Variants in CSF2RB observed in about 807,000 individuals in gnomAD.
CSF2RB encodes cytokine receptor common subunit beta.
In CSF2RB, 22 loss-of-function variants were observed where a neutral mutation model predicts 67.2. The observed-to-expected ratio is 0.33, with a 90% CI of 0.23 to 0.47. The LOEUF (loss-of-function observed/expected upper bound fraction) is 0.47. Among genes scored for constraint, CSF2RB ranks in the 20% least tolerant of loss-of-function variants. CSF2RB has a pLI of 1.00. For missense variants in CSF2RB, 1,113 were observed against 1,174.5 expected (o/e 0.95, Z 0.76); for synonymous variants, 507 against 482.9 (o/e 1.05, Z -0.65).
Position 36,927,236 on chromosome 22 carries a change from C to T in CSF2RB, c.391+1059C>T, listed in dbSNP as rs537456427. ...GCCACCAGGAGTCCATCAGAAGCAACATTTCCACACATGGGTTTGATGGAC... is the reference window on the plus strand; with the variant it reads ...GCCACCAGGAGTCCATCAGAAGCAATATTTCCACACATGGGTTTGATGGAC... On this transcript the variant is annotated intron_variant, in intron 4 of 13. Coordinates refer to ENST00000403662, the MANE Select transcript of CSF2RB (RefSeq NM_000395.3). Among the ~76,000 whole-genome samples the T allele has an allele frequency of 4.0e-4, 61 of 152,328 alleles. 1 individual carries two copies. Among genetic ancestry groups the T allele is most frequent in the Non-Finnish European group, 7.2e-4 (49 of 68,034 alleles).
At position 36,938,996 on chromosome 22, in the gene CSF2RB, G is replaced by A. The variant is rs760562837; in HGVS notation, c.*494G>A. On this transcript the variant is annotated 3_prime_UTR_variant, in exon 14 of 14. Transcript: ENST00000403662. ...ACATGATTCTCATCTGGGTGCAGAGGTGGGAGGCACCAGGTGGGCACCCGT... is the reference window on the plus strand; with the variant it reads ...ACATGATTCTCATCTGGGTGCAGAGATGGGAGGCACCAGGTGGGCACCCGT... The A allele has an allele frequency of 6.9e-4, 431 of 622,666 alleles. No individual in the cohort carries two copies. The highest frequency in any genetic ancestry group is 9.7e-4 in the Non-Finnish European group (333 of 344,720). The allele number at this position is 622,666 out of a possible 1,614,324, so 38.6% of individuals were successfully genotyped here. A position where few individuals can be genotyped will look rare whatever the true frequency, so the allele number is the denominator to read the frequency against.
chr22:36,933,688 T>C (rs1941207469), intron 9 of CSF2RB, 144 bp from the exon 10 acceptor site: 1 of 1,119,048 alleles, frequency 8.9e-7, no homozygotes. Context: ...TCAGGGAGGA[T>C]CCACGGTGGT....
chr22:36,926,280 G>T, intron 4 of CSF2RB, 103 bp downstream of exon 4: 2 of 1,181,298 alleles, frequency 1.7e-6, no homozygotes, highest in Non-Finnish European at 2.5e-6. Flanking sequence ...TGTGGCTTGG[G>T]GTTGGGTGAG....
At chr22:36,934,907 G>A (rs1161918344) in intron 10 of CSF2RB, among the ~76,000 whole-genome samples, 2 of 152,144 alleles carry the variant, frequency 1.3e-5, no homozygotes, top group South Asian at 2.1e-4. Flanking sequence ...GCTCAGGGCT[G>A]GGCAGCAGGT....
Position 36,938,195 on chromosome 22 carries a change from C to T in CSF2RB, c.2387C>T (p.Pro796Leu). The T allele has an allele frequency of 1.9e-6, 3 of 1,614,196 alleles. No individual in the cohort carries two copies. The highest frequency in any genetic ancestry group is 2.5e-6 in the Non-Finnish European group (3 of 1,180,012). Residue 796 changes from proline (P) to leucine (L), a missense_variant, in exon 14 of 14, where the codon CCA (proline) becomes CTA (leucine). Around this residue, in one of 2 missense-constraint regions of CSF2RB, gnomAD observed 554 missense variants for 517.9 expected, o/e 1.07. Transcript: ENST00000403662. ...GAGGCCAAAAGCCCTGTCCTGAACCCAGGGGAACGCCCGGCAGATGTGTCC... is the reference window on the plus strand; with the variant it reads ...GAGGCCAAAAGCCCTGTCCTGAACCTAGGGGAACGCCCGGCAGATGTGTCC... The part of the protein sequence containing the change: ...PPEAKSPVLN[P>L]GERPADVSPT...
chr22:36,920,947 A>G (rs923053109), intron 1 of CSF2RB, among the ~76,000 whole-genome samples: 3 of 152,068 alleles, frequency 2.0e-5, no homozygotes, highest in African/African-American at 4.8e-5. Context: ...TCTGGGGTCA[A>G]GTAGAGTTTG....
chr22:36,935,048 C>T (rs1033161773), intron 10 of CSF2RB, among the ~76,000 whole-genome samples: 3 of 152,296 alleles, frequency 2.0e-5, no homozygotes, highest in East Asian at 1.9e-4. Context: ...CAGGAAGTCC[C>T]CTGTGATTGC....
chr22:36,936,606 C>G lies in CSF2RB; in HGVS notation c.1522C>G (p.Pro508Ala). Reference protein sequence around the residue: ...GSMSAFTSGSPPHQGPWGSRF... With the variant: ...GSMSAFTSGSAPHQGPWGSRF... ...CATGTCGGCCTTCACTAGCGGGAGT[C>G]CCCCACACCAGGGGCCGTGGGGCAG... is the stretch of plus-strand genomic sequence containing the variant. The change falls in exon 13 of 14, where the codon CCC becomes GCC. Residue 508 changes from proline (P) to alanine (A), a missense_variant. Around this residue, in one of 2 missense-constraint regions of CSF2RB, gnomAD observed 554 missense variants for 517.9 expected, o/e 1.07. Transcript: ENST00000403662. 1 of 1,613,632 alleles carries G rather than the reference C, an allele frequency of 6.2e-7. No homozygotes were observed. Among genetic ancestry groups the G allele is most frequent in the Non-Finnish European group, 8.5e-7 (1 of 1,180,006 alleles).
Position 36,928,838 on chromosome 22 carries a change from C to T in CSF2RB, c.392-564C>T, listed in dbSNP as rs373912337. On this transcript the variant is annotated intron_variant, in intron 4 of 13. Coordinates refer to ENST00000403662, the MANE Select transcript of CSF2RB (RefSeq NM_000395.3). The stretch of plus-strand genomic sequence containing the variant: ...CTCCTCACACCTTAGGGGAGGCAGA[C>T]ACAGAAGCATAGGAATCCCTCAGCT... Among the ~76,000 whole-genome samples the T allele has an allele frequency of 2.0e-4, 31 of 152,330 alleles. 1 individual carries two copies. The highest frequency in any genetic ancestry group is 7.0e-4 in the African/African-American group (29 of 41,564).
At position 36,926,106 on chromosome 22, in the gene CSF2RB, A is replaced by G; in HGVS notation, c.320A>G (p.Asp107Gly). ...VIPCQSFVVTDVDYFSFQPDR... is the reference protein window; with the variant it reads ...VIPCQSFVVTGVDYFSFQPDR... ...CCCTGCCAGAGTTTTGTCGTCACTGACGTTGACTACTTCTCATTCCAACCA... is the reference window on the plus strand; with the variant it reads ...CCCTGCCAGAGTTTTGTCGTCACTGGCGTTGACTACTTCTCATTCCAACCA... Residue 107 changes from aspartate (D) to glycine (G), a missense_variant, in exon 4 of 14, where the codon GAC becomes GGC. Asp to Gly is a moderately conservative substitution (Grantham distance 94). Coordinates refer to ENST00000403662, the MANE Select transcript of CSF2RB (RefSeq NM_000395.3). The G allele has an allele frequency of 1.9e-6, 3 of 1,614,160 alleles. No individual in the cohort carries two copies. In the South Asian group the frequency reaches 3.3e-5, roughly 18 times the overall value.
intron 4 of CSF2RB, among the ~76,000 whole-genome samples, chr22:36,928,212 C>T (rs1941067074): frequency 6.6e-6 from 1 of 152,212 alleles, no homozygotes. Flanking sequence ...GGACATTTTA[C>T]TTCCTCTATG....
In CSF2RB at chr22:36,940,226, C is replaced by T. The variant is rs1468394609; in HGVS notation, c.*1724C>T. The T allele has an allele frequency of 6.6e-6, 1 of 152,188 alleles. No individual in the cohort carries two copies. Among genetic ancestry groups the T allele is most frequent in the Non-Finnish European group, 1.5e-5 (1 of 68,030 alleles). 9.4% of individuals were successfully genotyped at this position (152,188 alleles called of 1,614,324 possible). A position where few individuals can be genotyped will look rare whatever the true frequency, so the allele number is the denominator to read the frequency against. On this transcript the variant is annotated 3_prime_UTR_variant, in exon 14 of 14. Coordinates refer to ENST00000403662, the MANE Select transcript of CSF2RB (RefSeq NM_000395.3). Reference sequence around the variant, plus strand: ...GCTCTTAAATCCCTATTCATTACAGCAATGTTGGTGGTCAAAGAAAATGAT... The same window carrying T: ...GCTCTTAAATCCCTATTCATTACAGTAATGTTGGTGGTCAAAGAAAATGAT...
At position 36,930,759 on chromosome 22, in the gene CSF2RB, C is replaced by T. The variant is rs150251048; in HGVS notation, c.941C>T (p.Ala314Val). The T allele has an allele frequency of 1.1e-4, 176 of 1,613,884 alleles. No individual in the cohort carries two copies. The highest frequency in any genetic ancestry group is 3.2e-4 in the African/African-American group (24 of 74,902). ...TGCCAGATTCCCGTGCCCGACCCCG[C>T]GACCCACGGCCAATACATCGTCTCT... ...HHCQIPVPDP[A>V]THGQYIVSVQ... Residue 314 changes from alanine (A) to valine (V), a missense_variant, in exon 8 of 14, where the codon GCG becomes GTG. Coordinates refer to ENST00000403662, the MANE Select transcript of CSF2RB (RefSeq NM_000395.3).
Position 36,939,413 on chromosome 22 carries a change from CG to C in CSF2RB, c.*914del. 1.7e-6 allele frequency: 1 copy of C among 605,484 alleles called. No individual in the cohort carries two copies. 37.5% of individuals were successfully genotyped at this position (605,484 alleles called of 1,614,324 possible). A position where few individuals can be genotyped will look rare whatever the true frequency, so the allele number is the denominator to read the frequency against. On this transcript the variant is annotated 3_prime_UTR_variant, in exon 14 of 14. Coordinates refer to ENST00000403662, the MANE Select transcript of CSF2RB (RefSeq NM_000395.3). ...TTTAGGGCCTTTGGTCCAAATGGCC[CG>C]GGTGGCCACTCTTCCAGATAGACCA... is the stretch of plus-strand genomic sequence containing the variant.
At position 36,935,434 on chromosome 22, in the gene CSF2RB, G is replaced by A. The variant is rs1290001450; in HGVS notation, c.1399G>A (p.Gly467Arg). Residue 467 changes from glycine to arginine, a missense_variant, in exon 11 of 14, where the codon GGG (glycine) becomes AGG (arginine). Coordinates refer to ENST00000403662, the MANE Select transcript of CSF2RB (RefSeq NM_000395.3). ...GGCCCTCCGCTTCTGTGGCATCTAC[G>A]GGTACAGGTGAGGGGACTCTGTGGG... ...LLALRFCGIYGYRLRRKWEEK... is the reference protein window; with the variant it reads ...LLALRFCGIYRYRLRRKWEEK... 8 of 1,614,010 alleles carry A rather than the reference G, an allele frequency of 5.0e-6. No individual in the cohort carries two copies. Among genetic ancestry groups the A allele is most frequent in the Admixed American group, 1.7e-5 (1 of 60,012 alleles).
At position 36,936,499 on chromosome 22, in the gene CSF2RB, C is replaced by G. The variant is rs374985875; in HGVS notation, c.1465-50C>G. 100 of 1,545,656 alleles carry G rather than the reference C, an allele frequency of 6.5e-5. No homozygotes were observed. In the African/African-American group the frequency reaches 1.1e-3, roughly 18 times the overall value. ...CCCCCGTCACCCTCTGCCTTGCCCC[C>G]ACCTCGGACCTCCTGATGCTCACCG... On this transcript the variant is annotated intron_variant, in intron 12 of 13. Transcript: ENST00000403662.
chr22:36,938,332 C>T lies in CSF2RB; in HGVS notation c.2524C>T (p.Pro842Ser). The T allele has an allele frequency of 6.2e-7, 1 of 1,614,204 alleles. No homozygotes were observed. Among genetic ancestry groups the T allele is most frequent in the African/African-American group, 1.3e-5 (1 of 75,044 alleles). ...CTCGCTCCGGAGTAAACCTTCTTCC[C>T]CGGGACCCGGTCCTGAGATCAAGAA... ...PLSLRSKPSS[P>S]GPGPEIKNLD... Residue 842 changes from proline (P) to serine (S), a missense_variant, in exon 14 of 14, where the codon CCG becomes TCG. By Grantham distance (74) the Pro-to-Ser change is moderately conservative. Around this residue, in one of 2 missense-constraint regions of CSF2RB, gnomAD observed 554 missense variants for 517.9 expected, o/e 1.07. Transcript: ENST00000403662.
At chr22:36,930,854 T>G (rs1398514898) in intron 8 of CSF2RB, 24 bp downstream of exon 8, 2 of 1,613,800 alleles carry the variant, frequency 1.2e-6, no homozygotes, top group Admixed American at 1.7e-5. Context: ...TAGCCCGCTG[T>G]GGGGATGGTC....
At chr22:36,930,887 T>G in intron 8 of CSF2RB, 57 bp downstream of exon 8, 1 of 1,599,704 alleles carries the variant, frequency 6.3e-7, no homozygotes, top group Non-Finnish European at 8.6e-7. Context: ...ACCCTCATTG[T>G]GTAACCCGAA....
Sources: allele counts gnomAD v4.1 joint callset (sites outside exome capture counted in the v4.1 genomes callset), GRCh38; gene constraint gnomAD v4.1.1; regional missense constraint gnomAD v4.1.1; transcripts MANE v1.5; gene names NCBI Gene and HGNC (gene_info 2026-07-23, HGNC 2026-07-21).